Variants in FAM78B observed in about 807,000 individuals in gnomAD.
FAM78B encodes the protein family with sequence similarity 78 member B, also known as protein FAM78B.
FAM78B carries 10 observed loss-of-function variants against 20.0 expected under a neutral mutation model. The ratio of observed to expected loss-of-function variants is 0.50; its 90% CI spans 0.31 to 0.85. The LOEUF (loss-of-function observed/expected upper bound fraction) is 0.85, where lower values mean the gene tolerates loss of function less well. FAM78B is among the 40% of genes least tolerant of loss of function. FAM78B has a pLI of 0.05. For missense variants in FAM78B, 283 were observed against 345.0 expected (o/e 0.82, Z 1.42); for synonymous variants, 135 against 132.8 (o/e 1.02, Z -0.12).
At chr1:166,107,819 G>A (rs966035268) in intron 1 of FAM78B, among the ~76,000 whole-genome samples, 2 of 152,068 alleles carry the variant, frequency 1.3e-5, no homozygotes, top group African/African-American at 2.4e-5. Context: ...TTCATACCAC[G>A]GATGCAGGGA....
chr1:166,158,517 C>G (rs1474860349), intron 1 of FAM78B, among the ~76,000 whole-genome samples: 1 of 152,132 alleles, frequency 6.6e-6, no homozygotes, highest in Non-Finnish European at 1.5e-5. Flanking sequence ...ATGGAAAGCA[C>G]CCTGCACAGT....
intron 1 of FAM78B, among the ~76,000 whole-genome samples, chr1:166,084,205 CCACACACACACA>C (rs374157991): frequency 1.7e-5 from 2 of 121,074 alleles, no homozygotes; most frequent in Non-Finnish European, 3.4e-5. Context: ...GATGTAGAAA[CCACACACACACA>C]CACACACACA....
intron 1 of FAM78B, among the ~76,000 whole-genome samples, chr1:166,149,158 C>T (rs1246641870): frequency 1.3e-5 from 2 of 152,004 alleles, no homozygotes; most frequent in Non-Finnish European, 2.9e-5. Flanking sequence ...GGGTATATAC[C>T]CAGTAATGGG....
chr1:166,153,135 C>T (rs984622977), intron 1 of FAM78B, among the ~76,000 whole-genome samples: 1 of 152,136 alleles, frequency 6.6e-6, no homozygotes, highest in African/African-American at 2.4e-5. Flanking sequence ...TTGGAGGCAA[C>T]GTGGAAGACA....
intron 1 of FAM78B, among the ~76,000 whole-genome samples, chr1:166,155,529 T>C (rs926962401): frequency 2.0e-5 from 3 of 152,180 alleles, no homozygotes; most frequent in Admixed American, 2.0e-4. Context: ...TAGCTGCCCA[T>C]CACTCAGTGT....
chr1:166,160,761 C>T (rs780341869), intron 1 of FAM78B, among the ~76,000 whole-genome samples: 5 of 152,196 alleles, frequency 3.3e-5, no homozygotes, highest in Non-Finnish European at 7.4e-5. Flanking sequence ...TGCTATGGGC[C>T]ATGCACTGTT....
At chr1:166,100,951 C>A (rs970082409) in intron 1 of FAM78B, among the ~76,000 whole-genome samples, 2 of 152,194 alleles carry the variant, frequency 1.3e-5, no homozygotes, top group African/African-American at 4.8e-5. Context: ...CCAGTAGGGG[C>A]AAACTGACAC....
chr1:166,130,251 G>A (rs565403581), intron 1 of FAM78B, among the ~76,000 whole-genome samples: 5 of 152,300 alleles, frequency 3.3e-5, no homozygotes, highest in African/African-American at 9.6e-5. Flanking sequence ...TACCTGAATC[G>A]CATGATGTGA....
chr1:166,056,413 G>A (rs1279298654), downstream of FAM78B, among the ~76,000 whole-genome samples: 1 of 152,130 alleles, frequency 6.6e-6, no homozygotes, highest in Non-Finnish European at 1.5e-5. Context: ...CAGGTGGTGG[G>A]GACGGGCAGG....
chr1:166,116,846 A>C (rs1654275251), intron 1 of FAM78B, among the ~76,000 whole-genome samples: 1 of 152,092 alleles, frequency 6.6e-6, no homozygotes, highest in Admixed American at 6.5e-5. Flanking sequence ...CTATCTGTAA[A>C]ATGGGAGAAT....
intron 1 of FAM78B, among the ~76,000 whole-genome samples, chr1:166,153,789 G>A (rs1655784260): frequency 6.6e-6 from 1 of 152,078 alleles, no homozygotes; most frequent in Admixed American, 6.5e-5. Flanking sequence ...AGGCAGTGAT[G>A]GCAGGATGCT....
At chr1:166,118,810 T>C (rs185984428) in intron 1 of FAM78B, among the ~76,000 whole-genome samples, 5 of 152,222 alleles carry the variant, frequency 3.3e-5, no homozygotes, top group South Asian at 2.1e-4. Context: ...GGTGACTGAG[T>C]TGTGGCAAGA....
At chr1:166,123,518 C>T (rs1015693952) in intron 1 of FAM78B, among the ~76,000 whole-genome samples, 1 of 152,240 alleles carries the variant, frequency 6.6e-6, no homozygotes, top group Non-Finnish European at 1.5e-5. Context: ...AAACACACAA[C>T]GACCCCAATT....
chr1:166,067,068 A>C (rs1651823673), downstream of FAM78B, among the ~76,000 whole-genome samples: 1 of 152,208 alleles, frequency 6.6e-6, no homozygotes, highest in Non-Finnish European at 1.5e-5. Context: ...TTGTTCTTTA[A>C]AGGACGGATC....
chr1:166,091,049 G>A (rs1034153778), intron 1 of FAM78B, among the ~76,000 whole-genome samples: 7 of 152,294 alleles, frequency 4.6e-5, no homozygotes, highest in African/African-American at 1.7e-4. Flanking sequence ...AGGCTGACTG[G>A]CTCCTGAGCA....
chr1:166,088,404 C>T (rs1314902496), intron 1 of FAM78B, among the ~76,000 whole-genome samples: 1 of 152,140 alleles, frequency 6.6e-6, no homozygotes, highest in African/African-American at 2.4e-5. Flanking sequence ...CTCCCATCTG[C>T]AGACCCTGCT....
chr1:166,113,486 A>C (rs1264266863), intron 1 of FAM78B, among the ~76,000 whole-genome samples: 8 of 152,234 alleles, frequency 5.3e-5, no homozygotes, highest in Non-Finnish European at 1.2e-4. Context: ...CTAAGCATAC[A>C]ACTAAATTTA....
At position 166,070,755 on chromosome 1, in the gene FAM78B, C is replaced by T; in HGVS notation, c.272G>A (p.Trp91Ter). ...CCCTTCCCTCAAGTCAGGCAGTTCC[C>T]AGCTTGACCTGGCAAAGCAGAAGAC... Reference protein sequence around the residue: ...NTYSDLGMSSWELPDLREGRV... With the variant: ...NTYSDLGMSS The change falls in exon 2 of 2, where the codon TGG becomes TAG. Residue 91 changes from tryptophan to a stop codon, truncating the protein, a stop_gained. Coordinates refer to ENST00000354422, the MANE Select transcript of FAM78B (RefSeq NM_001017961.5). LOFTEE classifies it high-confidence loss of function. 1 of 1,555,558 alleles carries T rather than the reference C, an allele frequency of 6.4e-7. No homozygotes were observed. The highest frequency in any genetic ancestry group is 8.7e-7 in the Non-Finnish European group (1 of 1,153,342).
At chr1:166,059,194 G>T (rs1171048377) in exon 3 of FAM78B, 4 of 152,686 alleles carry the variant, frequency 2.6e-5, no homozygotes, top group African/African-American at 7.2e-5. Flanking sequence ...GCAGCCCGCA[G>T]GCTGGATGCA....
Sources: gnomAD v4.1 joint callset for allele counts (sites outside exome capture counted in the v4.1 genomes callset) on GRCh38, gnomAD v4.1.1 for gene constraint, MANE v1.5 for transcripts, NCBI Gene and HGNC (gene_info 2026-07-23, HGNC 2026-07-21) for gene names.